Variants in PLEK2 observed in about 807,000 individuals in gnomAD.
PLEK2 encodes the protein pleckstrin 2.
PLEK2 carries 29 observed loss-of-function variants against 43.8 expected under a neutral mutation model. The ratio of observed to expected loss-of-function variants is 0.66; its 90% confidence interval spans 0.49 to 0.90. The LOEUF is 0.90. Ranked by LOEUF, PLEK2 falls within the 40% of genes least tolerant of loss-of-function variation. PLEK2 has a pLI of 0.00. For synonymous variants in PLEK2, 162 were observed against 173.2 expected, an observed-to-expected ratio of 0.94 and a Z score of 0.51; for missense variants, 398 against 448.1, an observed-to-expected ratio of 0.89 and a Z score of 1.01.
intron 1 of PLEK2, among the ~76,000 whole-genome samples, chr14:67,400,725 C>T (rs947399488): frequency 7.9e-5 from 12 of 151,870 alleles, no homozygotes; most frequent in Non-Finnish European, 1.6e-4. Flanking sequence ...CGGTGGTTCA[C>T]GCCTGTAATC....
At chr14:67,400,548 CT>C (rs2086041192) in intron 1 of PLEK2, among the ~76,000 whole-genome samples, 1 of 152,220 alleles carries the variant, frequency 6.6e-6, no homozygotes, top group Non-Finnish European at 1.5e-5. Flanking sequence ...TGGGGCAGCA[CT>C]AGCAGGACTG....
intron 1 of PLEK2, among the ~76,000 whole-genome samples, chr14:67,402,657 G>A (rs1380664020): frequency 6.6e-6 from 1 of 152,044 alleles, no homozygotes; most frequent in Non-Finnish European, 1.5e-5. Flanking sequence ...TAGAGCTGGC[G>A]AATAAGTGAG....
In PLEK2 at chr14:67,387,500, A is replaced by G. The variant is rs753561628; in HGVS notation, c.935-44T>C. On this transcript the variant is annotated intron_variant, in intron 8 of 8. Transcript: ENST00000216446. ...GAAAAAAATCAGTGATTGAATAGCC[A>G]TGTCTGCTTTCATCTTGAACCAGCA... The G allele has an allele frequency of 3.8e-6, 6 of 1,584,378 alleles. No individual in the cohort carries two copies. The African/African-American group carries it at 4.1e-5, about 11-fold the overall frequency.
At chr14:67,399,608 TCA>T (rs2086033889) in intron 1 of PLEK2, among the ~76,000 whole-genome samples, 1 of 147,290 alleles carries the variant, frequency 6.8e-6, no homozygotes, top group African/African-American at 2.6e-5. Context: ...TAGGTGGTTC[TCA>T]GGTGGCAGGA....
chr14:67,392,193 C>A (rs1740650245), intron 6 of PLEK2, 133 bp downstream of exon 6: 1 of 673,916 alleles, frequency 1.5e-6, no homozygotes, highest in Non-Finnish European at 2.7e-6. Flanking sequence ...TGGTGCTGGG[C>A]TCTTGCTTTC....
chr14:67,408,679 G>C (rs1467743105), intron 1 of PLEK2, among the ~76,000 whole-genome samples: 1 of 152,186 alleles, frequency 6.6e-6, no homozygotes, highest in Non-Finnish European at 1.5e-5. Context: ...GCAAACACCA[G>C]AAGCTAGGAA....
At chr14:67,401,929 G>A (rs1017248562) in intron 1 of PLEK2, among the ~76,000 whole-genome samples, 7 of 152,244 alleles carry the variant, frequency 4.6e-5, no homozygotes, top group Admixed American at 3.3e-4. Context: ...TCAGGAGTTC[G>A]AGAGCAGTCT....
At chr14:67,395,146 G>T (rs539434547) in intron 3 of PLEK2, among the ~76,000 whole-genome samples, 3 of 152,202 alleles carry the variant, frequency 2.0e-5, no homozygotes, top group African/African-American at 4.8e-5. Context: ...ATGGAATGGG[G>T]GTCTTGTGTC....
At chr14:67,406,471 C>A (rs1420511451) in intron 1 of PLEK2, among the ~76,000 whole-genome samples, 1 of 151,996 alleles carries the variant, frequency 6.6e-6, no homozygotes, top group Non-Finnish European at 1.5e-5. Flanking sequence ...AGGACCCCTG[C>A]CACTTTGGGG....
chr14:67,392,296 A>C, intron 6 of PLEK2, 30 bp downstream of exon 6: 1 of 1,385,522 alleles, frequency 7.2e-7, no homozygotes, highest in Non-Finnish European at 1.0e-6. Flanking sequence ...AGAACTGTCC[A>C]TCTCTCTTCC....
chr14:67,392,333 G>GC lies in PLEK2; in HGVS notation c.763dup (p.Ala255GlyfsTer28), dbSNP rs1566624128. On this transcript the variant is annotated frameshift_variant, in exon 6 of 9. Coordinates refer to ENST00000216446, the MANE Select transcript of PLEK2 (RefSeq NM_016445.3). LOFTEE classifies it high-confidence loss of function. ...TGCTCATAGCAGCCATACCTGCTTG[G>GC]CCAGGTAGCCTTGTTTCACCACCGT... 3 of 1,595,384 alleles carry GC rather than the reference G, an allele frequency of 1.9e-6. No homozygotes were observed. Among genetic ancestry groups the GC allele is most frequent in the Non-Finnish European group, 2.6e-6 (3 of 1,162,946 alleles).
At chr14:67,392,204 G>T in intron 6 of PLEK2, 122 bp downstream of exon 6, 1 of 712,686 alleles carries the variant, frequency 1.4e-6, no homozygotes, top group Non-Finnish European at 2.5e-6. Flanking sequence ...TCTTGCTTTC[G>T]TAGATTTTGC....
intron 2 of PLEK2, 76 bp downstream of exon 2, chr14:67,397,586 A>G: frequency 1.6e-6 from 2 of 1,287,018 alleles, no homozygotes; most frequent in Non-Finnish European, 2.2e-6. Context: ...TCCTACCCAC[A>G]CCACTTTCCC....
chr14:67,412,026 C>T lies in PLEK2; in HGVS notation c.34G>A (p.Val12Ile). Residue 12 changes from valine (V) to isoleucine (I), a missense_variant, in exon 1 of 9, where the codon GTC becomes ATC. Val to Ile is a conservative substitution (Grantham distance 29). Transcript: ENST00000216446. ...GCTCGACGCGCACTCACCCTCTTGA[C>T]CAGGAAGCCCTCCTTGAGCACGCCG... ...EDGVLKEGFLVKRGHIVHNWK... is the reference protein window; with the variant it reads ...EDGVLKEGFLIKRGHIVHNWK... 6.4e-7 allele frequency: 1 copy of T among 1,557,774 alleles called. No individual in the cohort carries two copies. Among genetic ancestry groups the T allele is most frequent in the Non-Finnish European group, 8.7e-7 (1 of 1,154,404 alleles).
chr14:67,388,039 T>C (rs1595653851), intron 8 of PLEK2, among the ~76,000 whole-genome samples, 185 bp downstream of exon 8: 1 of 152,224 alleles, frequency 6.6e-6, no homozygotes, highest in Non-Finnish European at 1.5e-5. Context: ...CTTAGTTGTA[T>C]TCTTAAAACG....
chr14:67,405,224 C>CAAAAAAAA (rs770594121), intron 1 of PLEK2, among the ~76,000 whole-genome samples: 1 of 40,482 alleles, frequency 2.5e-5, no homozygotes, highest in African/African-American at 8.9e-5. Context: ...GAGTCCATCT[C>CAAAAAAAA]AAAAAAAAAA....
At chr14:67,409,723 C>T (rs1316973825) in intron 1 of PLEK2, among the ~76,000 whole-genome samples, 1 of 152,208 alleles carries the variant, frequency 6.6e-6, no homozygotes, top group African/African-American at 2.4e-5. Context: ...GCTTCGCTTT[C>T]ACCGGTGATG....
rs375283064 is a variant in PLEK2 at position 67,392,432 on chromosome 14, G to A, written c.670-5C>T. ...CTTCTTTTTGTAGCTCTCAGCCTAG[G>A]GGGAAGGAGGGAGCAAGGACTCTGC... On this transcript the variant is annotated splice_region_variant and splice_polypyrimidine_tract_variant and intron_variant, in intron 5 of 8. Transcript: ENST00000216446. 5.0e-6 allele frequency: 8 copies of A among 1,600,340 alleles called. No homozygotes were observed. The highest frequency in any genetic ancestry group is 2.7e-5 in the African/African-American group (2 of 74,634).
intron 1 of PLEK2, 185 bp from the exon 2 acceptor site, chr14:67,398,011 T>C (rs1391659773): frequency 7.2e-6 from 3 of 419,388 alleles, no homozygotes; most frequent in Non-Finnish European, 1.3e-5. Context: ...ACTGACCTTC[T>C]AGTTCCTATT....
Sources: allele counts gnomAD v4.1 joint callset (sites outside exome capture counted in the v4.1 genomes callset), GRCh38; gene constraint gnomAD v4.1.1; transcripts MANE v1.5; gene names NCBI Gene and HGNC (gene_info 2026-07-23, HGNC 2026-07-21).